The following VPS13A variants were observed in gnomAD, a reference collection of about 807,000 sequenced individuals.
VPS13A encodes vacuolar protein sorting 13 homolog A, also known as intermembrane lipid transfer protein VPS13A.
A neutral mutation model predicts 390.9 loss-of-function variants in VPS13A; 264 were observed. The observed-to-expected ratio is 0.68, with a 90% CI of 0.61 to 0.75. The LOEUF (loss-of-function observed/expected upper bound fraction) is 0.75, where lower values mean the gene tolerates loss of function less well. VPS13A is among the 30% of genes least tolerant of loss of function. VPS13A has a pLI of 0.00. For missense variants in VPS13A, 3,409 were observed against 3,733.9 expected, an observed-to-expected ratio of 0.91 and a Z score of 2.27; for synonymous variants, 1,231 against 1,227.1, an observed-to-expected ratio of 1.00 and a Z score of -0.07.
chr9:77,283,631 T>A lies in VPS13A; in HGVS notation c.3320T>A (p.Ile1107Lys). ...LRNIIVLDSD[I>K]TAIYKKAVYI... The stretch of plus-strand genomic sequence containing the variant: ...AATATAATTGTTTTAGATTCTGATA[T>A]AACAGCTATATACAAAAAGGTAAGA... The change falls in exon 31 of 72, where the codon ATA (isoleucine) becomes AAA (lysine). Residue 1107 changes from isoleucine to lysine, a missense_variant. Transcript: ENST00000360280. 1 of 1,608,132 alleles carries A rather than the reference T, an allele frequency of 6.2e-7. No homozygotes were observed. The highest frequency in any genetic ancestry group is 1.1e-5 in the South Asian group (1 of 90,586).
chr9:77,341,327 T>C (rs2131510141), intron 50 of VPS13A, among the ~76,000 whole-genome samples: 1 of 152,186 alleles, frequency 6.6e-6, no homozygotes, highest in East Asian at 1.9e-4. Context: ...TATTAAATCT[T>C]GCAATTGCAA....
At chr9:77,306,046 T>G (rs987156624) in intron 34 of VPS13A, among the ~76,000 whole-genome samples, 1 of 135,450 alleles carries the variant, frequency 7.4e-6, no homozygotes, top group African/African-American at 2.5e-5. Flanking sequence ...TATTTTCATC[T>G]TATTATATGA....
chr9:77,370,731 A>G, intron 65 of VPS13A, 153 bp downstream of exon 65: 2 of 737,534 alleles, frequency 2.7e-6, no homozygotes, highest in Non-Finnish European at 3.1e-6. Flanking sequence ...ACATGTCAGT[A>G]GCCTCTAAAA....
intron 27 of VPS13A, 110 bp from the exon 28 acceptor site, chr9:77,281,757 A>G (rs1827040562): frequency 1.7e-6 from 1 of 605,838 alleles, no homozygotes; most frequent in Non-Finnish European, 3.0e-6. Context: ...ATATATATAT[A>G]TGTATATGAA....
intron 50 of VPS13A, among the ~76,000 whole-genome samples, chr9:77,341,690 C>CTTTTTTTTTTTTTT: frequency 4.2e-5 from 1 of 23,562 alleles, no homozygotes; most frequent in Non-Finnish European, 8.0e-5. Flanking sequence ...GGACATCTTT[C>CTTTTTTTTTTTTTT]CTTTTTTTTT....
At chr9:77,371,960 G>A (rs1452638424) in intron 67 of VPS13A, among the ~76,000 whole-genome samples, 1 of 146,362 alleles carries the variant, frequency 6.8e-6, no homozygotes, top group African/African-American at 2.5e-5. Flanking sequence ...TTTCATCCAT[G>A]TCCCTACAAA....
At chr9:77,318,897 A>G (rs1162935194) in intron 41 of VPS13A, among the ~76,000 whole-genome samples, 1 of 151,970 alleles carries the variant, frequency 6.6e-6, no homozygotes, top group African/African-American at 2.4e-5. Flanking sequence ...TATTTTTTTT[A>G]AAGAGTTAAA....
intron 17 of VPS13A, among the ~76,000 whole-genome samples, chr9:77,237,591 T>C (rs907106658): frequency 6.6e-6 from 1 of 152,126 alleles, no homozygotes; most frequent in Non-Finnish European, 1.5e-5. Flanking sequence ...TCTCGAACTC[T>C]TGACCTCAAG....
chr9:77,271,427 T>TA (rs780249461), intron 23 of VPS13A, among the ~76,000 whole-genome samples: 25 of 152,150 alleles, frequency 1.6e-4, no homozygotes, highest in Non-Finnish European at 3.2e-4. Flanking sequence ...AGTATATACT[T>TA]ACCATATGAC....
At chr9:77,390,165 A>G in intron 68 of VPS13A, 2 of 960,502 alleles carry the variant, frequency 2.1e-6, no homozygotes, top group South Asian at 9.6e-5. Context: ...GAACTAGGAG[A>G]CAAAGGCTAT....
Position 77,282,158 on chromosome 9 carries a change from A to G in VPS13A, c.3002A>G (p.Glu1001Gly). The change falls in exon 29 of 72, where the codon GAA becomes GGA. Residue 1001 changes from glutamate (E) to glycine (G), a missense_variant. Around this residue, in one of 5 missense-constraint regions of VPS13A, gnomAD observed 2,717 missense variants for 2,917.4 expected, o/e 0.93. Coordinates refer to ENST00000360280, the MANE Select transcript of VPS13A (RefSeq NM_033305.3). ...FSSLDIHLHT[E>G]ALLNTINYLH... ...TCTTTGGATATTCATTTACACACTGAAGCACTTCTGAATACAATAAATTAT... is the reference window on the plus strand; with the variant it reads ...TCTTTGGATATTCATTTACACACTGGAGCACTTCTGAATACAATAAATTAT... 6.2e-7 allele frequency: 1 copy of G among 1,613,562 alleles called. No individual in the cohort carries two copies. Among genetic ancestry groups the G allele is most frequent in the Non-Finnish European group, 8.5e-7 (1 of 1,179,706 alleles).
chr9:77,193,128 C>A (rs1824781752), intron 1 of VPS13A, among the ~76,000 whole-genome samples: 2 of 151,706 alleles, frequency 1.3e-5, no homozygotes, highest in Non-Finnish European at 2.9e-5. Flanking sequence ...TTAATCTGTT[C>A]TGCTGTTAAT....
intron 32 of VPS13A, among the ~76,000 whole-genome samples, chr9:77,293,754 A>G (rs1242300489): frequency 5.9e-5 from 9 of 152,024 alleles, no homozygotes; most frequent in African/African-American, 1.7e-4. Flanking sequence ...TATGTGCATT[A>G]TATATCATAA....
In VPS13A at chr9:77,323,379, C is replaced by T. The variant is rs1378156783; in HGVS notation, c.5991+152C>T. The T allele has an allele frequency of 1.4e-5, 13 of 905,194 alleles. No individual in the cohort carries two copies. The East Asian group carries it at 1.6e-4, about 11-fold the overall frequency. 56.1% of individuals were successfully genotyped at this position (905,194 alleles called of 1,614,324 possible). The stretch of plus-strand genomic sequence containing the variant: ...AAAGAAGACTCACTACCACCAGTTG[C>T]GCTACTTGGTTATGACGGGTGGTAG... On this transcript the variant is annotated intron_variant, in intron 45 of 71. Coordinates refer to ENST00000360280, the MANE Select transcript of VPS13A (RefSeq NM_033305.3).
chr9:77,373,655 G>T (rs1424055091), intron 67 of VPS13A, among the ~76,000 whole-genome samples: 3 of 151,206 alleles, frequency 2.0e-5, no homozygotes, highest in Admixed American at 6.6e-5. Flanking sequence ...TTAAACTAAA[G>T]AGCTTCTGCA....
chr9:77,393,000 G>A (rs534590265), intron 68 of VPS13A, among the ~76,000 whole-genome samples: 114 of 152,188 alleles, frequency 7.5e-4, no homozygotes, highest in Non-Finnish European at 1.2e-3. Flanking sequence ...TTTATCTGTA[G>A]TATGTGATGC....
intron 62 of VPS13A, among the ~76,000 whole-genome samples, chr9:77,368,932 G>A (rs978727126): frequency 6.6e-6 from 1 of 152,118 alleles, no homozygotes; most frequent in Non-Finnish European, 1.5e-5. Flanking sequence ...CCAGGAGTTC[G>A]AGACCACCCT....
intron 54 of VPS13A, among the ~76,000 whole-genome samples, chr9:77,354,721 A>G (rs974809939): frequency 3.1e-4 from 47 of 152,048 alleles, no homozygotes; most frequent in African/African-American, 8.2e-4. Context: ...TTAAACCCCC[A>G]TTGTGTCAGC....
chr9:77,349,894 T>C (rs1398805332), intron 52 of VPS13A, among the ~76,000 whole-genome samples: 1 of 152,174 alleles, frequency 6.6e-6, no homozygotes, highest in East Asian at 1.9e-4. Context: ...TCCACCTGCC[T>C]CGACCTCCGA....
Sources: allele counts gnomAD v4.1 joint callset (sites outside exome capture counted in the v4.1 genomes callset), GRCh38; gene constraint gnomAD v4.1.1; regional missense constraint gnomAD v4.1.1; transcripts MANE v1.5; gene names NCBI Gene and HGNC (gene_info 2026-07-23, HGNC 2026-07-21).